CSMD1: variants seen among roughly 807,000 people sequenced by gnomAD.
CSMD1 encodes the protein CUB and Sushi multiple domains 1.
In CSMD1, 213 loss-of-function variants were observed where a neutral mutation model predicts 417.5. That is an observed-to-expected ratio of 0.51 (90% CI 0.46 to 0.57). CSMD1 has a LOEUF of 0.57. CSMD1 is among the 20% of genes least tolerant of loss of function. The pLI, the probability that CSMD1 is intolerant of heterozygous loss-of-function variation, is 0.00. For synonymous variants in CSMD1, 2,862 were observed against 1,736.8 expected (o/e 1.65, Z -16.11); for missense variants, 6,923 against 4,529.7 (o/e 1.53, Z -15.17).
chr8:4,701,662 TCTC>T (rs969137445), intron 1 of CSMD1, among the ~76,000 whole-genome samples: 1 of 151,766 alleles, frequency 6.6e-6, no homozygotes, highest in Non-Finnish European at 1.5e-5. Flanking sequence ...GGTCCACACA[TCTC>T]CTCTGTCAAA....
intron 1 of CSMD1, among the ~76,000 whole-genome samples, chr8:4,761,161 C>T (rs1005371033): frequency 6.6e-6 from 1 of 152,046 alleles, no homozygotes; most frequent in Non-Finnish European, 1.5e-5. Context: ...AAAAAAGTCA[C>T]TATGAAAGCG....
chr8:4,764,467 T>G (rs1812313316), intron 1 of CSMD1, among the ~76,000 whole-genome samples: 2 of 152,194 alleles, frequency 1.3e-5, no homozygotes, highest in South Asian at 2.1e-4. Flanking sequence ...TCGTCTGTAT[T>G]CTTAAAAGTA....
chr8:4,170,557 G>C (rs117701511), intron 3 of CSMD1, among the ~76,000 whole-genome samples: 1 of 151,800 alleles, frequency 6.6e-6, no homozygotes, highest in African/African-American at 2.4e-5. Flanking sequence ...TATGGAACAT[G>C]GACAATGGAT....
chr8:3,682,722 G>T (rs951184863), intron 7 of CSMD1, among the ~76,000 whole-genome samples: 23 of 152,154 alleles, frequency 1.5e-4, no homozygotes, highest in African/African-American at 3.6e-4. Context: ...AAATCATGCT[G>T]TTATAAAGAC....
intron 2 of CSMD1, among the ~76,000 whole-genome samples, chr8:4,483,001 G>C (rs1478761743): frequency 1.3e-5 from 2 of 152,102 alleles, no homozygotes; most frequent in Admixed American, 6.5e-5. Context: ...AAATAGTTTA[G>C]CAATTGATTG....
intron 21 of CSMD1, among the ~76,000 whole-genome samples, chr8:3,356,694 C>CAA (rs138260617): frequency 4.7e-5 from 7 of 147,662 alleles, no homozygotes; most frequent in Non-Finnish European, 7.5e-5. Context: ...ACAACAACAA[C>CAA]AAAAAAACGT....
At chr8:4,816,487 C>T (rs944166065) in intron 1 of CSMD1, among the ~76,000 whole-genome samples, 4 of 152,054 alleles carry the variant, frequency 2.6e-5, no homozygotes, top group African/African-American at 4.8e-5. Flanking sequence ...CTCAGGCTCC[C>T]AAAATGTTGG....
intron 18 of CSMD1, among the ~76,000 whole-genome samples, chr8:3,386,893 C>T (rs1404063702): frequency 6.6e-6 from 1 of 152,134 alleles, no homozygotes; most frequent in Non-Finnish European, 1.5e-5. Context: ...TATAACTACA[C>T]ACAGCATAGT....
intron 6 of CSMD1, among the ~76,000 whole-genome samples, chr8:3,730,984 A>G (rs80319504): frequency 3.9e-5 from 6 of 152,328 alleles, no homozygotes; most frequent in African/African-American, 1.2e-4. Context: ...TTTCAAACAT[A>G]CACAAAATTA....
intron 1 of CSMD1, among the ~76,000 whole-genome samples, chr8:4,969,732 T>A (rs951274678): frequency 3.3e-5 from 5 of 152,058 alleles, no homozygotes; most frequent in Admixed American, 1.3e-4. Context: ...TCCACACTAT[T>A]GCACTATGCT....
intron 49 of CSMD1, among the ~76,000 whole-genome samples, chr8:3,055,796 C>T (rs144399823): frequency 6.0e-4 from 91 of 152,280 alleles, no homozygotes; most frequent in Non-Finnish European, 1.2e-3. Flanking sequence ...TTTGGGAGCA[C>T]AGGCCTCAAA....
chr8:4,571,501 G>C (rs1265711931), intron 2 of CSMD1, among the ~76,000 whole-genome samples: 1 of 152,184 alleles, frequency 6.6e-6, no homozygotes, highest in Admixed American at 6.5e-5. Flanking sequence ...ACTGTGGTCT[G>C]AGAGACTGTT....
intron 5 of CSMD1, among the ~76,000 whole-genome samples, chr8:3,904,490 G>A (rs990023335): frequency 5.3e-5 from 8 of 152,258 alleles, no homozygotes; most frequent in East Asian, 3.9e-4. Context: ...GTTGTTCTAC[G>A]GTGCGGCTTG....
intron 1 of CSMD1, among the ~76,000 whole-genome samples, chr8:4,849,155 T>C (rs1190935554): frequency 6.6e-6 from 1 of 152,136 alleles, no homozygotes; most frequent in African/African-American, 2.4e-5. Context: ...TCTTAGCTTT[T>C]AACAAAAACG....
Position 3,737,710 on chromosome 8 carries a change from C to T in CSMD1, c.931+16220G>A, listed in dbSNP as rs1271531783. On this transcript the variant is annotated intron_variant, in intron 6 of 69. Coordinates refer to ENST00000635120, the MANE Select transcript of CSMD1 (RefSeq NM_033225.6). ...TTTCTTGTCTTCACGTTTCTGACTT[C>T]CAAATTGAGGCAGTGATATTTAATT... is the stretch of plus-strand genomic sequence containing the variant. 2.0e-5 allele frequency among the ~76,000 whole-genome samples: 3 copies of T among 152,252 alleles called. No individual in the cohort carries two copies. In the East Asian group the frequency reaches 5.8e-4, roughly 30 times the overall value.
chr8:4,767,129 C>A (rs538583724), intron 1 of CSMD1, among the ~76,000 whole-genome samples: 1 of 152,074 alleles, frequency 6.6e-6, no homozygotes, highest in Non-Finnish European at 1.5e-5. Context: ...TTCGACAAAG[C>A]GATGCAGTGG....
At chr8:4,460,144 G>A (rs922459664) in intron 2 of CSMD1, among the ~76,000 whole-genome samples, 1 of 152,066 alleles carries the variant, frequency 6.6e-6, no homozygotes, top group Non-Finnish European at 1.5e-5. Flanking sequence ...TTTAAAATGA[G>A]TGAAATTATA....
intron 41 of CSMD1, 146 bp downstream of exon 41, chr8:3,142,319 A>G: frequency 1.4e-6 from 1 of 732,246 alleles, no homozygotes; most frequent in South Asian, 1.8e-5. Context: ...CAAGTGTTCC[A>G]CTACTAACCA....
chr8:4,144,407 C>G lies in CSMD1; in HGVS notation c.416-112308G>C, dbSNP rs148517676. ...ACTTAATTTATCTTTTCTGTTTTGC[C>G]AGGAAAAATCTGAAGTGAAGAATCA... On this transcript the variant is annotated intron_variant, in intron 3 of 69. Transcript: ENST00000635120. 1.6e-3 allele frequency among the ~76,000 whole-genome samples: 249 copies of G among 151,134 alleles called. 1 individual carries two copies. Among genetic ancestry groups the G allele is most frequent in the Non-Finnish European group, 2.9e-3 (196 of 68,006 alleles).
Sources: gnomAD v4.1 joint callset for allele counts (sites outside exome capture counted in the v4.1 genomes callset) on GRCh38, gnomAD v4.1.1 for gene constraint, MANE v1.5 for transcripts, NCBI Gene and HGNC (gene_info 2026-07-23, HGNC 2026-07-21) for gene names.